Variants in PCDH15 observed in about 807,000 individuals in gnomAD.
PCDH15 encodes protocadherin related 15.
Under a neutral mutation model 178.5 loss-of-function variants are expected in PCDH15, and 129 were observed. The observed-to-expected ratio is 0.72, with a 90% confidence interval of 0.63 to 0.84. The LOEUF (loss-of-function observed/expected upper bound fraction) is 0.84, where lower values mean the gene tolerates loss of function less well. Ranked by LOEUF, PCDH15 falls within the 40% of genes least tolerant of loss-of-function variation. The pLI is 0.00. For synonymous variants in PCDH15, 800 were observed against 732.0 expected, an observed-to-expected ratio of 1.09 and a Z score of -1.50; for missense variants, 2,230 against 2,099.9, an observed-to-expected ratio of 1.06 and a Z score of -1.21.
At chr10:55,352,167 C>A (rs1588945422) in intron 2 of PCDH15, among the ~76,000 whole-genome samples, 1 of 152,200 alleles carries the variant, frequency 6.6e-6, no homozygotes, top group Admixed American at 6.5e-5. Context: ...TAATGGAATA[C>A]ATTTTTGAAT....
intron 1 of PCDH15, among the ~76,000 whole-genome samples, chr10:55,308,426 G>A (rs529005548): frequency 1.3e-5 from 2 of 152,240 alleles, no homozygotes; most frequent in East Asian, 3.9e-4. Context: ...AAGGAATAAT[G>A]CATCAGCTGG....
At chr10:55,351,046 C>T (rs1453831993) in intron 2 of PCDH15, among the ~76,000 whole-genome samples, 1 of 113,928 alleles carries the variant, frequency 8.8e-6, no homozygotes, top group Admixed American at 9.4e-5. Flanking sequence ...TCCCTCCTCC[C>T]CCTCCCCTCC....
chr10:54,396,641 A>G (rs910969614), intron 3 of PCDH15, among the ~76,000 whole-genome samples: 9 of 152,298 alleles, frequency 5.9e-5, no homozygotes, highest in Admixed American at 2.0e-4. Flanking sequence ...CTGTGTTAGA[A>G]GTTGACATGA....
At chr10:54,434,709 C>T (rs1246472742) in intron 3 of PCDH15, among the ~76,000 whole-genome samples, 3 of 152,124 alleles carry the variant, frequency 2.0e-5, no homozygotes, top group African/African-American at 4.8e-5. Context: ...TATATCAGAC[C>T]ACTTTACTTA....
At chr10:54,517,963 TG>T (rs1240684207) in intron 3 of PCDH15, among the ~76,000 whole-genome samples, 1 of 152,146 alleles carries the variant, frequency 6.6e-6, no homozygotes, top group Non-Finnish European at 1.5e-5. Context: ...GAATGACTAC[TG>T]GGTACATAAT....
At chr10:55,113,036 G>T (rs552426748) in intron 2 of PCDH15, among the ~76,000 whole-genome samples, 1 of 151,976 alleles carries the variant, frequency 6.6e-6, no homozygotes, top group Admixed American at 6.6e-5. Context: ...CAAGAACTTG[G>T]AACTGCATGG....
chr10:53,807,127 C>T lies in PCDH15; in HGVS notation c.4675G>A (p.Ala1559Thr). Residue 1559 changes from alanine (A) to threonine (T), a missense_variant, in exon 38 of 38, where the codon GCA becomes ACA. Ala to Thr is a moderately conservative substitution (Grantham distance 58). Coordinates refer to ENST00000644397, the MANE Select transcript of PCDH15 (RefSeq NM_001384140.1). Reference sequence around the variant, plus strand: ...ACTAACTTGATCATTCTTTTTCTTGCCCACTGATAAAATAAACAAAAATAT... The same window carrying T: ...ACTAACTTGATCATTCTTTTTCTTGTCCACTGATAAAATAAACAAAAATAT... ...AEEEYEEEEW[A>T]RKRMIKLVVD... 2 of 1,586,732 alleles carry T rather than the reference C, an allele frequency of 1.3e-6. No individual in the cohort carries two copies. The highest frequency in any genetic ancestry group is 1.2e-5 in the South Asian group (1 of 86,880).
Position 54,853,289 on chromosome 10 carries a change from GTATATATATA to G in PCDH15, c.-29+44151_-29+44160del, listed in dbSNP as rs71014423. Reference sequence around the variant, plus strand: ...TATATATATATGTGTATGTATGTGTGTATATATATATATATATATATATATATATACATAC... The same window carrying G: ...TATATATATATGTGTATGTATGTGTGTATATATATATATATATATACATAC... On this transcript the variant is annotated intron_variant, in intron 3 of 5. Coordinates refer to the PCDH15 transcript ENST00000458638. Among the ~76,000 whole-genome samples, 40 of 102,576 alleles carry G rather than the reference GTATATATATA, an allele frequency of 3.9e-4. 1 individual carries two copies. Among genetic ancestry groups the G allele is most frequent in the Non-Finnish European group, 7.2e-4 (38 of 53,124 alleles). The allele number at this position is 102,576 out of a possible 152,430, so 67.3% of individuals were successfully genotyped here.
At chr10:54,434,250 AAATT>A (rs1203894648) in intron 3 of PCDH15, among the ~76,000 whole-genome samples, 2 of 151,910 alleles carry the variant, frequency 1.3e-5, no homozygotes, top group South Asian at 2.1e-4. Flanking sequence ...ACTGAAGAAA[AAATT>A]AATAAATTTA....
intron 14 of PCDH15, among the ~76,000 whole-genome samples, chr10:54,149,239 C>T (rs2044276825): frequency 6.6e-6 from 1 of 152,072 alleles, no homozygotes; most frequent in Admixed American, 6.6e-5. Flanking sequence ...AATTGCTATG[C>T]TAAACTCAAT....
chr10:53,852,255 C>T (rs930153717), intron 28 of PCDH15, among the ~76,000 whole-genome samples: 1 of 151,982 alleles, frequency 6.6e-6, no homozygotes, highest in Non-Finnish European at 1.5e-5. Context: ...GTTATTCTCA[C>T]AGCTGTTTCT....
intron 2 of PCDH15, among the ~76,000 whole-genome samples, chr10:55,425,721 T>C (rs945380779): frequency 3.9e-5 from 6 of 152,162 alleles, no homozygotes; most frequent in African/African-American, 1.4e-4. Flanking sequence ...GAATCAGCAG[T>C]GGCTTTTATT....
At chr10:54,833,106 G>A (rs1223058042) in intron 3 of PCDH15, among the ~76,000 whole-genome samples, 1 of 152,038 alleles carries the variant, frequency 6.6e-6, no homozygotes, top group African/African-American at 2.4e-5. Flanking sequence ...CATCACATAC[G>A]TTATCTCATT....
rs2245171 is a variant in PCDH15, at chr10:53,962,135, T to C, written c.2869-243A>G. 0.012 allele frequency among the ~76,000 whole-genome samples: 1,876 copies of C among 152,330 alleles called. 44 individuals carry two copies. Among genetic ancestry groups the C allele is most frequent in the African/African-American group, 0.042 (1,748 of 41,580 alleles). On this transcript the variant is annotated intron_variant, in intron 21 of 37. Transcript: ENST00000644397. ...ATGATTTATATGAGAGAAAAATTAA[T>C]GGTTGCTTTGGGCATCTTCTCTACC...
chr10:55,275,419 G>T (rs1378362829), intron 1 of PCDH15, among the ~76,000 whole-genome samples: 1 of 151,916 alleles, frequency 6.6e-6, no homozygotes, highest in African/African-American at 2.4e-5. Context: ...TATTGCACAT[G>T]TATCAATTTG....
At chr10:55,022,247 G>C (rs1322407989) in intron 2 of PCDH15, among the ~76,000 whole-genome samples, 7 of 152,042 alleles carry the variant, frequency 4.6e-5, no homozygotes, top group Admixed American at 3.9e-4. Flanking sequence ...GAGATCAGGA[G>C]TTCAAGACCA....
At chr10:54,993,123 G>T (rs111759470) in intron 2 of PCDH15, among the ~76,000 whole-genome samples, 46 of 152,296 alleles carry the variant, frequency 3.0e-4, no homozygotes, top group African/African-American at 9.4e-4. Flanking sequence ...AGATGCATAT[G>T]AGATTGGTTT....
intron 2 of PCDH15, among the ~76,000 whole-genome samples, chr10:55,447,688 T>A (rs569489922): frequency 2.6e-5 from 4 of 152,194 alleles, no homozygotes; most frequent in Non-Finnish European, 4.4e-5. Flanking sequence ...TAAAAAATAG[T>A]TGTGAAATAA....
intron 2 of PCDH15, among the ~76,000 whole-genome samples, chr10:54,622,715 A>AAT (rs2093420712): frequency 3.2e-5 from 1 of 31,740 alleles, no homozygotes; most frequent in African/African-American, 1.2e-4. Context: ...TATATTATAT[A>AAT]TAATATATAT....
Sources: gnomAD v4.1 joint callset for allele counts (sites outside exome capture counted in the v4.1 genomes callset) on GRCh38, gnomAD v4.1.1 for gene constraint, MANE v1.5 for transcripts, NCBI Gene and HGNC (gene_info 2026-07-23, HGNC 2026-07-21) for gene names.